MYCBP2: variants seen among roughly 807,000 people sequenced by gnomAD.
The protein encoded by MYCBP2 is E3 ubiquitin-protein ligase MYCBP2.
A neutral mutation model predicts 525.3 loss-of-function variants in MYCBP2; 120 were observed. The observed-to-expected ratio is 0.23, with a 90% confidence interval of 0.20 to 0.27. MYCBP2 has a LOEUF of 0.27. Ranked by LOEUF, MYCBP2 falls within the 10% of genes least tolerant of loss-of-function variation. MYCBP2 has a pLI of 1.00. For missense variants in MYCBP2, 4,149 were observed against 5,657.1 expected, an observed-to-expected ratio of 0.73 and a Z score of 8.55; for synonymous variants, 1,894 against 1,955.8, an observed-to-expected ratio of 0.97 and a Z score of 0.83.
chr13:77,138,866 T>C (rs2054159585), intron 52 of MYCBP2, among the ~76,000 whole-genome samples: 1 of 152,232 alleles, frequency 6.6e-6, no homozygotes, highest in African/African-American at 2.4e-5. Flanking sequence ...TTGGAATTCA[T>C]TCCACACAGC....
intron 49 of MYCBP2, chr13:77,144,235 G>C (rs745809247): frequency 1.9e-5 from 10 of 534,230 alleles, no homozygotes; most frequent in Non-Finnish European, 3.4e-5. Flanking sequence ...AGTCATGAGG[G>C]CTACAGTGCC....
intron 17 of MYCBP2, among the ~76,000 whole-genome samples, chr13:77,237,897 T>G (rs984158187): frequency 1.3e-5 from 2 of 152,194 alleles, no homozygotes; most frequent in African/African-American, 4.8e-5. Context: ...CAGCTAATAT[T>G]GGATTTGATG....
intron 53 of MYCBP2, among the ~76,000 whole-genome samples, chr13:77,125,675 G>A (rs962832930): frequency 6.6e-6 from 1 of 152,134 alleles, no homozygotes; most frequent in Non-Finnish European, 1.5e-5. Context: ...TTATGAATTT[G>A]GTTAAAATAA....
At chr13:77,190,366 AACATGATCATT>A in intron 28 of MYCBP2, 31 bp from the exon 29 acceptor site, 6 of 1,277,586 alleles carry the variant, frequency 4.7e-6, no homozygotes, top group African/African-American at 1.5e-5. Context: ...TACCAAAAAC[AACATGATCATT>A]ACAGGAAATA....
chr13:77,079,781 T>C (rs2042980427), intron 65 of MYCBP2, among the ~76,000 whole-genome samples: 1 of 152,214 alleles, frequency 6.6e-6, no homozygotes, highest in African/African-American at 2.4e-5. Context: ...TGCTCCAATA[T>C]GCATTTCCTT....
chr13:77,121,351 A>T, intron 55 of MYCBP2, 22 bp downstream of exon 55: 1 of 1,504,500 alleles, frequency 6.6e-7, no homozygotes, highest in Non-Finnish European at 9.0e-7. Context: ...GGTAAGTAAA[A>T]GACTTACTTT....
chr13:77,143,020 G>GA (rs1767390607), intron 49 of MYCBP2, among the ~76,000 whole-genome samples: 1 of 152,182 alleles, frequency 6.6e-6, no homozygotes, highest in South Asian at 2.1e-4. Flanking sequence ...GGAGCATCAG[G>GA]AAAAATAATG....
At chr13:77,050,890 T>G in intron 82 of MYCBP2, 107 bp downstream of exon 82, 1 of 948,494 alleles carries the variant, frequency 1.1e-6, no homozygotes, top group Non-Finnish European at 1.6e-6. Context: ...TTCTTTAGGC[T>G]AGTTTGAATT....
At chr13:77,105,752 C>G (rs79200217) in intron 55 of MYCBP2, among the ~76,000 whole-genome samples, 3,465 of 152,116 alleles carry the variant, frequency 0.023, 65 homozygotes, top group South Asian at 0.046. Context: ...TTGGGTATCA[C>G]TAAGTTTAAG....
chr13:77,253,338 T>C lies in MYCBP2; in HGVS notation c.2177-1983A>G, dbSNP rs538537229. 2.0e-5 allele frequency among the ~76,000 whole-genome samples: 3 copies of C among 152,056 alleles called. No homozygotes were observed. The South Asian group carries it at 6.2e-4, about 32-fold the overall frequency. On this transcript the variant is annotated intron_variant, in intron 14 of 82. Coordinates refer to ENST00000544440, the MANE Select transcript of MYCBP2 (RefSeq NM_015057.5). Reference sequence around the variant, plus strand: ...TTTACTAGAATGTTCACAGCAACATTATTCATAATAACCAAAACTGGAAAC... The same window carrying C: ...TTTACTAGAATGTTCACAGCAACATCATTCATAATAACCAAAACTGGAAAC...
intron 68 of MYCBP2, chr13:77,076,074 C>T (rs1321182514): frequency 2.0e-5 from 3 of 151,976 alleles, no homozygotes; most frequent in Non-Finnish European, 4.4e-5. Flanking sequence ...GGATGAAGTA[C>T]AAAAGTTTTA....
At chr13:77,220,895 C>T (rs1305144656) in intron 20 of MYCBP2, among the ~76,000 whole-genome samples, 4 of 152,140 alleles carry the variant, frequency 2.6e-5, no homozygotes, top group African/African-American at 4.8e-5. Flanking sequence ...CTGCATTATC[C>T]GTTGTAGCTC....
At chr13:77,055,436 G>A (rs1594070915) in intron 80 of MYCBP2, 122 bp downstream of exon 80, 10 of 794,828 alleles carry the variant, frequency 1.3e-5, no homozygotes, top group African/African-American at 8.7e-5. Context: ...ATTGTACCAA[G>A]CTATCTTATT....
Position 77,168,493 on chromosome 13 carries a change from A to G in MYCBP2, c.6049T>C (p.Ser2017Pro). 6.2e-7 allele frequency: 1 copy of G among 1,613,998 alleles called. No individual in the cohort carries two copies. The highest frequency in any genetic ancestry group is 8.5e-7 in the Non-Finnish European group (1 of 1,179,996). ...PEQGLSACTT[S>P]SHYAVIESEH... ...CTCTCTATGACAGCATAGTGACTGGAGGTTGTACAAGCAGAGAGGCCCTGT... is the reference window on the plus strand; with the variant it reads ...CTCTCTATGACAGCATAGTGACTGGGGGTTGTACAAGCAGAGAGGCCCTGT... Residue 2017 changes from serine to proline, a missense_variant, in exon 40 of 83, where the codon TCC becomes CCC. Physicochemically the swap from Ser to Pro is moderately conservative, Grantham distance 74. Coordinates refer to ENST00000544440, the MANE Select transcript of MYCBP2 (RefSeq NM_015057.5).
chr13:77,168,686 T>A (rs1487716606), intron 39 of MYCBP2, 40 bp from the exon 40 acceptor site: 2 of 1,570,956 alleles, frequency 1.3e-6, no homozygotes, highest in Middle Eastern at 1.7e-4. Flanking sequence ...GAGATACACG[T>A]GAAAGTGGTT....
At chr13:77,171,373 TA>T in intron 38 of MYCBP2, 118 bp downstream of exon 38, 1 of 1,002,450 alleles carries the variant, frequency 1.0e-6, no homozygotes, top group Non-Finnish European at 1.5e-6. Flanking sequence ...GGTGGATCTA[TA>T]AATAACACTT....
chr13:77,213,872 CTA>C (rs1046269262), intron 21 of MYCBP2, among the ~76,000 whole-genome samples: 3 of 152,296 alleles, frequency 2.0e-5, no homozygotes, highest in Admixed American at 1.3e-4. Flanking sequence ...GTCATGATCT[CTA>C]TGTTTCCTGT....
intron 1 of MYCBP2, among the ~76,000 whole-genome samples, chr13:77,300,261 A>C (rs1311887596): frequency 1.3e-5 from 2 of 152,234 alleles, no homozygotes; most frequent in South Asian, 4.1e-4. Flanking sequence ...GATGTAAAGC[A>C]GGAATAGGGA....
intron 3 of MYCBP2, among the ~76,000 whole-genome samples, chr13:77,286,713 A>G (rs1369725335): frequency 7.2e-5 from 8 of 110,724 alleles, no homozygotes; most frequent in Admixed American, 1.1e-4. Flanking sequence ...CCGAGATGGC[A>G]CCACTGCACT....
Sources: gnomAD v4.1 joint callset for allele counts (sites outside exome capture counted in the v4.1 genomes callset) on GRCh38, gnomAD v4.1.1 for gene constraint, MANE v1.5 for transcripts, NCBI Gene and HGNC (gene_info 2026-07-23, HGNC 2026-07-21) for gene names.